Variants in TBC1D5 observed in about 807,000 individuals in gnomAD.
TBC1D5 encodes TBC1 domain family, member 5.
TBC1D5 carries 75 observed loss-of-function variants against 100.3 expected under a neutral mutation model. The ratio of observed to expected loss-of-function variants is 0.75; its 90% CI spans 0.62 to 0.91. The LOEUF is 0.91. Ranked by LOEUF, TBC1D5 falls within the 40% of genes least tolerant of loss-of-function variation. TBC1D5 has a pLI of 0.00. For synonymous variants in TBC1D5, 323 were observed against 325.6 expected (o/e 0.99, Z 0.09); for missense variants, 910 against 942.4 (o/e 0.97, Z 0.45).
chr3:17,216,264 C>T (rs1317910282), intron 17 of TBC1D5, among the ~76,000 whole-genome samples: 1 of 152,086 alleles, frequency 6.6e-6, no homozygotes, highest in Non-Finnish European at 1.5e-5. Flanking sequence ...ATGCTCTTCT[C>T]AGGGTGGTTC....
intron 17 of TBC1D5, among the ~76,000 whole-genome samples, chr3:17,235,742 A>G (rs1368395410): frequency 6.6e-6 from 1 of 152,202 alleles, no homozygotes; most frequent in East Asian, 1.9e-4. Context: ...GGTGTTGCTT[A>G]GGGCTCATCA....
intron 13 of TBC1D5, among the ~76,000 whole-genome samples, chr3:17,357,691 A>T (rs1178318120): frequency 6.6e-6 from 1 of 152,210 alleles, no homozygotes; most frequent in African/African-American, 2.4e-5. Flanking sequence ...AATATTTCCT[A>T]TGCAACAGGC....
At chr3:17,616,382 C>G (rs2062153291) in intron 2 of TBC1D5, among the ~76,000 whole-genome samples, 2 of 151,638 alleles carry the variant, frequency 1.3e-5, no homozygotes, top group South Asian at 2.1e-4. Flanking sequence ...GGGGTGGAGA[C>G]TTCTATTGAT....
chr3:17,508,418 C>T, intron 3 of TBC1D5, 56 bp downstream of exon 3: 1 of 1,406,884 alleles, frequency 7.1e-7, no homozygotes, highest in Non-Finnish European at 1.0e-6. Context: ...ACTGAGGGCC[C>T]TCTGCTAGGT....
chr3:17,285,299 C>T lies in TBC1D5; in HGVS notation c.1245+6596G>A, dbSNP rs568172068. 6.9e-5 allele frequency among the ~76,000 whole-genome samples: 9 copies of T among 129,608 alleles called. No homozygotes were observed. The East Asian group carries it at 2.3e-3, about 33-fold the overall frequency. The allele number at this position is 129,608 out of a possible 152,430, so 85.0% of individuals were successfully genotyped here. A position where few individuals can be genotyped will look rare whatever the true frequency, so the allele number is the denominator to read the frequency against. On this transcript the variant is annotated intron_variant, in intron 15 of 21. Transcript: ENST00000253692. ...TTTTTGAGACGGAGTCTCGCTCTGTCGCCCAGGCTGGAGTGCAGTGGCGCG... is the reference window on the plus strand; with the variant it reads ...TTTTTGAGACGGAGTCTCGCTCTGTTGCCCAGGCTGGAGTGCAGTGGCGCG...
chr3:17,196,352 A>AG (rs900925364), intron 18 of TBC1D5, among the ~76,000 whole-genome samples: 2 of 152,190 alleles, frequency 1.3e-5, no homozygotes, highest in Non-Finnish European at 2.9e-5. Context: ...TGAGACTGGA[A>AG]GGGACTCTAT....
chr3:17,328,477 T>C (rs899247511), intron 13 of TBC1D5, among the ~76,000 whole-genome samples: 1 of 152,122 alleles, frequency 6.6e-6, no homozygotes, highest in African/African-American at 2.4e-5. Flanking sequence ...AGCAGGCCAC[T>C]GACAAATGGG....
At chr3:17,694,219 T>C (rs555433650) in intron 1 of TBC1D5, among the ~76,000 whole-genome samples, 1 of 152,208 alleles carries the variant, frequency 6.6e-6, no homozygotes, top group South Asian at 2.1e-4. Flanking sequence ...TTGCCAGCAA[T>C]GGAATAAAGC....
chr3:17,301,173 CA>C (rs1303286140), intron 14 of TBC1D5, among the ~76,000 whole-genome samples: 1 of 151,044 alleles, frequency 6.6e-6, no homozygotes, highest in Non-Finnish European at 1.5e-5. Flanking sequence ...AAAATAGAGA[CA>C]ATTTTTTATA....
intron 1 of TBC1D5, among the ~76,000 whole-genome samples, chr3:17,710,591 T>TA (rs1383986143): frequency 1.3e-5 from 2 of 151,586 alleles, no homozygotes; most frequent in Admixed American, 1.3e-4. Flanking sequence ...AATAAATAAA[T>TA]AAAAATATAT....
intron 2 of TBC1D5, among the ~76,000 whole-genome samples, chr3:17,619,976 T>C (rs1173147188): frequency 6.6e-6 from 1 of 152,196 alleles, no homozygotes; most frequent in Non-Finnish European, 1.5e-5. Context: ...TTCTCACCTA[T>C]CACTTGGCAA....
chr3:17,671,801 C>T (rs1002295462), intron 1 of TBC1D5, among the ~76,000 whole-genome samples: 12 of 152,176 alleles, frequency 7.9e-5, no homozygotes, highest in Non-Finnish European at 1.5e-4. Flanking sequence ...AGTCTTGTCT[C>T]ATTAAATCAG....
chr3:17,490,431 A>T (rs763725235), intron 3 of TBC1D5, among the ~76,000 whole-genome samples: 1 of 152,158 alleles, frequency 6.6e-6, no homozygotes, highest in Non-Finnish European at 1.5e-5. Context: ...TCTGAATGCT[A>T]TTAGCTAGAT....
At chr3:17,550,116 A>G (rs909782635) in intron 2 of TBC1D5, among the ~76,000 whole-genome samples, 1 of 152,144 alleles carries the variant, frequency 6.6e-6, no homozygotes, top group African/African-American at 2.4e-5. Context: ...TGACCTCATG[A>G]GTATCAAAAT....
chr3:17,477,507 T>C (rs555768829), intron 3 of TBC1D5, among the ~76,000 whole-genome samples: 1 of 152,130 alleles, frequency 6.6e-6, no homozygotes, highest in African/African-American at 2.4e-5. Flanking sequence ...ATTATAATTA[T>C]TTATTCCATT....
intron 8 of TBC1D5, among the ~76,000 whole-genome samples, chr3:17,401,935 T>C (rs1289421461): frequency 6.6e-6 from 1 of 152,126 alleles, no homozygotes; most frequent in Non-Finnish European, 1.5e-5. Flanking sequence ...AATACAATGG[T>C]GCTCTACTTT....
At chr3:17,652,279 T>C (rs1039361660) in intron 1 of TBC1D5, among the ~76,000 whole-genome samples, 3 of 152,174 alleles carry the variant, frequency 2.0e-5, no homozygotes, top group Non-Finnish European at 4.4e-5. Flanking sequence ...TACCCTACTA[T>C]ATAAAATATA....
At chr3:17,415,968 G>A (rs762665114) in intron 4 of TBC1D5, among the ~76,000 whole-genome samples, 1 of 152,112 alleles carries the variant, frequency 6.6e-6, no homozygotes, top group African/African-American at 2.4e-5. Flanking sequence ...AGCCAATACT[G>A]TAAAGGAAAG....
At chr3:17,620,978 T>C (rs2153648978) in intron 2 of TBC1D5, among the ~76,000 whole-genome samples, 1 of 152,328 alleles carries the variant, frequency 6.6e-6, no homozygotes, top group Non-Finnish European at 1.5e-5. Context: ...TCAAACTTTT[T>C]TTGGTATGTT....
Sources: allele counts gnomAD v4.1 joint callset (sites outside exome capture counted in the v4.1 genomes callset), GRCh38; gene constraint gnomAD v4.1.1; transcripts MANE v1.5; gene names NCBI Gene and HGNC (gene_info 2026-07-23, HGNC 2026-07-21).